Variants in MYO18A observed in about 807,000 individuals in gnomAD.
MYO18A encodes unconventional myosin-XVIIIa.
MYO18A carries 78 observed loss-of-function variants against 235.8 expected under a neutral mutation model. The observed-to-expected ratio is 0.33, with a 90% confidence interval of 0.28 to 0.40. MYO18A has a LOEUF of 0.40. MYO18A is among the 10% of genes least tolerant of loss of function. MYO18A has a pLI of 1.00. For missense variants in MYO18A, 2,215 were observed against 2,699.3 expected (o/e 0.82, Z 3.98); for synonymous variants, 977 against 1,077.8 (o/e 0.91, Z 1.83).
Position 29,126,497 on chromosome 17 carries a change from G to A in MYO18A, c.1000-4244C>T, listed in dbSNP as rs1228260332. Among the ~76,000 whole-genome samples, 1 of 152,192 alleles carries A rather than the reference G, an allele frequency of 6.6e-6. No homozygotes were observed. The highest frequency in any genetic ancestry group is 1.5e-5 in the Non-Finnish European group (1 of 68,036). ...TTCCCTGATTCACAGAGTGGGCCAG[G>A]TGGGTGGGGGAAGCGGCGGCTGGCT... On this transcript the variant is annotated intron_variant, in intron 2 of 41. Coordinates refer to ENST00000527372, the MANE Select transcript of MYO18A (RefSeq NM_078471.4). This position sits in a 1 kb window ranked among gnomAD's most constrained non-coding sequence, Gnocchi z 4.1.
At chr17:29,164,243 G>A (rs978808252) in intron 2 of MYO18A, among the ~76,000 whole-genome samples, 2 of 152,174 alleles carry the variant, frequency 1.3e-5, no homozygotes, top group Non-Finnish European at 2.9e-5. Flanking sequence ...TCTCTACCTC[G>A]TGGTTCTCTG....
chr17:29,113,553 G>C (rs1431853029), intron 15 of MYO18A, among the ~76,000 whole-genome samples: 2 of 152,204 alleles, frequency 1.3e-5, no homozygotes, highest in Non-Finnish European at 2.9e-5. Context: ...CGGGAGGCTG[G>C]CTCCTGGCCC....
At chr17:29,177,399 G>A (rs189336374) in intron 1 of MYO18A, among the ~76,000 whole-genome samples, 1 of 152,210 alleles carries the variant, frequency 6.6e-6, no homozygotes, top group East Asian at 1.9e-4. Flanking sequence ...AATGTCAAGG[G>A]AAATTGACAT....
At chr17:29,132,546 G>A (rs1048074491) in intron 2 of MYO18A, among the ~76,000 whole-genome samples, 1 of 152,128 alleles carries the variant, frequency 6.6e-6, no homozygotes, top group Non-Finnish European at 1.5e-5. Context: ...ATTCCTAAGG[G>A]AAAAAATCTT....
chr17:29,100,806 C>G (rs1177669489), intron 21 of MYO18A, among the ~76,000 whole-genome samples: 1 of 152,226 alleles, frequency 6.6e-6, no homozygotes, highest in Non-Finnish European at 1.5e-5. Flanking sequence ...CCAAGGCCCC[C>G]TTCAGCAAAG....
chr17:29,089,900 G>A (rs540940055), intron 37 of MYO18A, 61 bp downstream of exon 37: 302 of 1,603,562 alleles, frequency 1.9e-4, no homozygotes, highest in Non-Finnish European at 2.2e-4. Context: ...GAGCATGCGC[G>A]GCTCCAGCGC....
intron 2 of MYO18A, among the ~76,000 whole-genome samples, chr17:29,152,236 C>T (rs2067977404): frequency 6.6e-6 from 1 of 152,138 alleles, no homozygotes; most frequent in African/African-American, 2.4e-5. Flanking sequence ...CTGCTTAGTC[C>T]TAATCTAAAT....
In MYO18A at chr17:29,073,927, TG is replaced by T; in HGVS notation, c.*842del. 3 of 1,613,918 alleles carry T rather than the reference TG, an allele frequency of 1.9e-6. No individual in the cohort carries two copies. The highest frequency in any genetic ancestry group is 2.5e-6 in the Non-Finnish European group (3 of 1,179,878). ...GACAGAGCAGGAGGGAGGCAGTGCT[TG>T]GATCAGCCCTGAACTGCTGTAGTTG... On this transcript the variant is annotated 3_prime_UTR_variant, in exon 42 of 42. Coordinates refer to ENST00000527372, the MANE Select transcript of MYO18A (RefSeq NM_078471.4).
chr17:29,107,035 G>T, intron 20 of MYO18A, 45 bp downstream of exon 20: 1 of 1,570,972 alleles, frequency 6.4e-7, no homozygotes, highest in Non-Finnish European at 8.8e-7. Flanking sequence ...GCAGCTGCTT[G>T]AGGGGCCTGG....
rs778448328 is a variant in MYO18A at position 29,097,888 on chromosome 17, A to G, written c.4002T>C (p.Asp1334=). Residue 1334 remains aspartate (D), a synonymous_variant, in exon 26 of 42, where the codon GAT becomes GAC. Transcript: ENST00000527372. ...KEMKELQTQY[D]ALKKQMEVME... ...TAACCTCCATCTGCTTCTTCAGTGC[A>G]TCGTACTGGGTCTGCAGAAGACAGG... 10 of 1,613,276 alleles carry G rather than the reference A, an allele frequency of 6.2e-6. No individual in the cohort carries two copies. The East Asian group carries it at 2.0e-4, about 32-fold the overall frequency.
intron 41 of MYO18A, chr17:29,078,181 T>A (rs1045909973): frequency 6.6e-6 from 1 of 152,208 alleles, no homozygotes; most frequent in Admixed American, 6.5e-5. Context: ...CACGCCCAGC[T>A]AATTTTTGTA....
Position 29,114,012 on chromosome 17 carries a change from A to C in MYO18A, c.2597T>G (p.Leu866Arg). 6.3e-7 allele frequency: 1 copy of C among 1,593,912 alleles called. No homozygotes were observed. Among genetic ancestry groups the C allele is most frequent in the Non-Finnish European group, 8.5e-7 (1 of 1,170,480 alleles). ...CCAAACCCTCTCTGGAGCTCCTACC[A>C]GGGACTGATGGGAGGCCTGGTCCAC... ...AAVDQASHQSLVRSLARTDEA... is the reference protein window; with the variant it reads ...AAVDQASHQSRVRSLARTDEA... The change falls in exon 15 of 42, where the codon CTG (leucine) becomes CGG (arginine). Residue 866 changes from leucine (L) to arginine (R), a missense_variant and splice_region_variant. Leu to Arg is a moderately radical substitution (Grantham distance 102). Transcript: ENST00000527372.
intron 20 of MYO18A, among the ~76,000 whole-genome samples, chr17:29,103,967 G>T (rs2066719314): frequency 6.6e-6 from 1 of 152,256 alleles, no homozygotes; most frequent in Admixed American, 6.5e-5. Context: ...TGATACAAGT[G>T]AGAATTTGTT....
intron 1 of MYO18A, among the ~76,000 whole-genome samples, chr17:29,167,461 T>C (rs971810154): frequency 6.6e-6 from 1 of 152,084 alleles, no homozygotes; most frequent in African/African-American, 2.4e-5. Flanking sequence ...CCTGTAATCA[T>C]AGCACTTTGG....
rs71369700 is a variant in MYO18A, at chr17:29,098,114, C to T, written c.3981G>A (p.Lys1327=). The T allele has an allele frequency of 0.013, 21,356 of 1,613,306 alleles. 189 individuals carry two copies. Among genetic ancestry groups the T allele is most frequent in the Non-Finnish European group, 0.016 (18,835 of 1,179,880 alleles). ...AERLRAEKEM[K]ELQTQYDALK... is the part of the protein sequence containing the mutation. ...CAGGCCCTGCCCTCACCTGCAGTTC[C>T]TTCATCTCCTTCTCAGCCCGGAGCC... Residue 1327 remains lysine, a synonymous_variant, in exon 25 of 42, where the codon AAG becomes AAA. Transcript: ENST00000527372.
intron 2 of MYO18A, among the ~76,000 whole-genome samples, chr17:29,150,780 T>A (rs1323356117): frequency 1.3e-5 from 2 of 152,226 alleles, no homozygotes; most frequent in African/African-American, 4.8e-5. Flanking sequence ...AGGTCTCTCT[T>A]CTGTGCCTTT....
Position 29,098,091 on chromosome 17 carries a change from G to A in MYO18A, c.3990+14C>T. 3.7e-6 allele frequency: 6 copies of A among 1,611,828 alleles called. No individual in the cohort carries two copies. The highest frequency in any genetic ancestry group is 5.1e-6 in the Non-Finnish European group (6 of 1,179,820). On this transcript the variant is annotated intron_variant, in intron 25 of 41. Transcript: ENST00000527372. ...GTCACCAGCCTGCTGTTCTCACCCA[G>A]GCCCTGCCCTCACCTGCAGTTCCTT... is the stretch of plus-strand genomic sequence containing the variant.
intron 30 of MYO18A, 32 bp downstream of exon 30, chr17:29,094,618 C>T: frequency 6.2e-7 from 1 of 1,611,716 alleles, no homozygotes; most frequent in Non-Finnish European, 8.5e-7. Context: ...CTCGCTGCAC[C>T]TCACCTCTCC....
At chr17:29,145,248 T>C (rs2067823214) in intron 2 of MYO18A, among the ~76,000 whole-genome samples, 1 of 152,164 alleles carries the variant, frequency 6.6e-6, no homozygotes, top group Admixed American at 6.5e-5. Flanking sequence ...CCATATGGAT[T>C]TAACCAACTG....
Sources: allele counts gnomAD v4.1 joint callset (sites outside exome capture counted in the v4.1 genomes callset), GRCh38; gene constraint gnomAD v4.1.1; non-coding constraint Gnocchi (gnomAD v3.1); transcripts MANE v1.5; gene names NCBI Gene and HGNC (gene_info 2026-07-23, HGNC 2026-07-21).